CNTNAP2: variants seen among roughly 807,000 people sequenced by gnomAD.
CNTNAP2 encodes the protein contactin associated protein 2.
Under a neutral mutation model 155.2 loss-of-function variants are expected in CNTNAP2, and 98 were observed. That is an observed-to-expected ratio of 0.63 (90% CI 0.54 to 0.75). The LOEUF (loss-of-function observed/expected upper bound fraction) is 0.75. Among genes scored for constraint, CNTNAP2 ranks in the 30% least tolerant of loss-of-function variants. CNTNAP2 has a pLI of 0.00. For synonymous variants in CNTNAP2, 651 were observed against 631.2 expected (o/e 1.03, Z -0.47); for missense variants, 1,727 against 1,688.1 (o/e 1.02, Z -0.40).
At chr7:146,406,152 A>G (rs774108643) in intron 1 of CNTNAP2, among the ~76,000 whole-genome samples, 3 of 152,220 alleles carry the variant, frequency 2.0e-5, no homozygotes, top group Non-Finnish European at 4.4e-5. Context: ...TTCCTAATTA[A>G]GATATGCTTG....
At chr7:147,087,641 G>A (rs933106990) in intron 4 of CNTNAP2, among the ~76,000 whole-genome samples, 2 of 152,100 alleles carry the variant, frequency 1.3e-5, no homozygotes, top group Non-Finnish European at 2.9e-5. Context: ...CACCCAAAGT[G>A]GGGGAGCTCC....
At chr7:146,606,513 G>T (rs923414948) in intron 1 of CNTNAP2, among the ~76,000 whole-genome samples, 1 of 152,106 alleles carries the variant, frequency 6.6e-6, no homozygotes, top group Non-Finnish European at 1.5e-5. Flanking sequence ...AAAAATTTCA[G>T]TCATATTGTC....
chr7:148,277,176 C>G (rs1193530577), intron 21 of CNTNAP2, among the ~76,000 whole-genome samples: 2 of 152,148 alleles, frequency 1.3e-5, no homozygotes, highest in Non-Finnish European at 2.9e-5. Flanking sequence ...AGGGAGAGAC[C>G]TGGATGCATG....
At chr7:146,750,777 A>G (rs975005870) in intron 1 of CNTNAP2, among the ~76,000 whole-genome samples, 2 of 152,130 alleles carry the variant, frequency 1.3e-5, no homozygotes, top group Admixed American at 6.5e-5. Flanking sequence ...TGCCTTATGA[A>G]ATTTACTTAA....
intron 15 of CNTNAP2, among the ~76,000 whole-genome samples, chr7:148,053,036 G>A (rs1186339911): frequency 6.6e-6 from 1 of 152,134 alleles, no homozygotes. Context: ...GACAGAGCTA[G>A]ACTCCGTCTC....
chr7:146,158,449 T>C (rs993114272), intron 1 of CNTNAP2, among the ~76,000 whole-genome samples: 3 of 152,108 alleles, frequency 2.0e-5, no homozygotes, highest in Non-Finnish European at 2.9e-5. Flanking sequence ...TTCTCTGAGC[T>C]AAAGGAGGAT....
intron 14 of CNTNAP2, among the ~76,000 whole-genome samples, chr7:147,959,731 G>A (rs568069810): frequency 7.2e-5 from 11 of 152,222 alleles, no homozygotes; most frequent in East Asian, 1.9e-4. Flanking sequence ...TTGCCATGGC[G>A]ATGGTAAACT....
At chr7:146,577,824 A>G (rs753606538) in intron 1 of CNTNAP2, among the ~76,000 whole-genome samples, 1 of 152,118 alleles carries the variant, frequency 6.6e-6, no homozygotes, top group Non-Finnish European at 1.5e-5. Flanking sequence ...AAAAGTGAAG[A>G]GTTTGAAAAA....
chr7:147,549,984 A>C (rs1799819548), intron 11 of CNTNAP2, among the ~76,000 whole-genome samples: 1 of 152,166 alleles, frequency 6.6e-6, no homozygotes, highest in Non-Finnish European at 1.5e-5. Context: ...TCTTTTATGG[A>C]AATTTTCTCT....
intron 8 of CNTNAP2, among the ~76,000 whole-genome samples, chr7:147,235,830 T>A (rs1029738522): frequency 1.3e-5 from 2 of 151,556 alleles, no homozygotes; most frequent in African/African-American, 4.8e-5. Flanking sequence ...TTCAAGGTCC[T>A]CCCAGTAGAT....
chr7:147,415,438 G>T (rs1369353841), intron 10 of CNTNAP2, among the ~76,000 whole-genome samples: 2 of 152,160 alleles, frequency 1.3e-5, no homozygotes, highest in Non-Finnish European at 2.9e-5. Context: ...TTTCCCCCAT[G>T]CTGTTCTTGA....
chr7:147,677,676 T>G, intron 13 of CNTNAP2, among the ~76,000 whole-genome samples: 1 of 151,988 alleles, frequency 6.6e-6, no homozygotes, highest in African/African-American at 2.4e-5. Context: ...TTTTAATCCA[T>G]TTTAAGCAGA....
At chr7:147,762,552 T>G (rs1295000351) in intron 13 of CNTNAP2, among the ~76,000 whole-genome samples, 1 of 152,092 alleles carries the variant, frequency 6.6e-6, no homozygotes, top group Non-Finnish European at 1.5e-5. Flanking sequence ...AGATGCTTTT[T>G]TTTTTCAATC....
At chr7:147,132,653 G>A in intron 8 of CNTNAP2, 144 bp downstream of exon 8, 1 of 1,144,528 alleles carries the variant, frequency 8.7e-7, no homozygotes, top group Non-Finnish European at 1.3e-6. Flanking sequence ...TGGTTGTAGT[G>A]TGTGCTGATT....
At chr7:147,157,253 A>T (rs1278363799) in intron 8 of CNTNAP2, among the ~76,000 whole-genome samples, 1 of 152,088 alleles carries the variant, frequency 6.6e-6, no homozygotes, top group East Asian at 1.9e-4. Context: ...TTCTATGGTG[A>T]TAATGGGGGT....
At chr7:146,740,290 G>GT (rs545373636) in intron 1 of CNTNAP2, among the ~76,000 whole-genome samples, 582 of 128,586 alleles carry the variant, frequency 4.5e-3, no homozygotes, top group South Asian at 9.8e-3. Flanking sequence ...CAGGATTTCT[G>GT]TTTTTTTTTT....
chr7:147,063,970 G>C (rs538475214), intron 4 of CNTNAP2, among the ~76,000 whole-genome samples: 1 of 152,100 alleles, frequency 6.6e-6, no homozygotes, highest in Non-Finnish European at 1.5e-5. Context: ...AGCAGCTTTC[G>C]AGAAAGATAA....
chr7:148,134,792 T>C (rs1804903200), intron 16 of CNTNAP2, among the ~76,000 whole-genome samples: 1 of 152,210 alleles, frequency 6.6e-6, no homozygotes, highest in Non-Finnish European at 1.5e-5. Context: ...AAGTATTGTT[T>C]ATCGTTGAAT....
chr7:146,858,354 C>G (rs1021960083), intron 3 of CNTNAP2, among the ~76,000 whole-genome samples: 3 of 152,158 alleles, frequency 2.0e-5, no homozygotes, highest in African/African-American at 7.2e-5. Context: ...TGTCTAGTTT[C>G]CCTGCCAACA....
Sources: gnomAD v4.1 joint callset for allele counts (sites outside exome capture counted in the v4.1 genomes callset) on GRCh38, gnomAD v4.1.1 for gene constraint, MANE v1.5 for transcripts, NCBI Gene and HGNC (gene_info 2026-07-23, HGNC 2026-07-21) for gene names.